OLFM1: variants seen among roughly 807,000 people sequenced by gnomAD.
OLFM1 encodes noelin.
A neutral mutation model predicts 49.7 loss-of-function variants in OLFM1; 9 were observed. The observed-to-expected ratio is 0.18, with a 90% CI of 0.11 to 0.32. The LOEUF is 0.32. Ranked by LOEUF, OLFM1 falls within the 10% of genes least tolerant of loss-of-function variation. OLFM1 has a pLI of 1.00. For synonymous variants in OLFM1, 240 were observed against 271.8 expected, an observed-to-expected ratio of 0.88 and a Z score of 1.15; for missense variants, 369 against 661.8, an observed-to-expected ratio of 0.56 and a Z score of 4.85.
chr9:135,097,451 G>T (rs946605614), intron 3 of OLFM1, among the ~76,000 whole-genome samples: 2 of 152,174 alleles, frequency 1.3e-5, no homozygotes, highest in Non-Finnish European at 2.9e-5. Context: ...TCTAACGAGG[G>T]GGGTGTCTTC....
At chr9:135,108,907 GCCGAGT>G (rs1197967856) in intron 5 of OLFM1, among the ~76,000 whole-genome samples, 1 of 152,108 alleles carries the variant, frequency 6.6e-6, no homozygotes, top group Non-Finnish European at 1.5e-5. Context: ...GACACTCCAA[GCCGAGT>G]CCCTTATACC....
chr9:135,076,157 T>G, intron 1 of OLFM1: 1 of 1,550,032 alleles, frequency 6.5e-7, no homozygotes, highest in Non-Finnish European at 8.7e-7. Flanking sequence ...GAGAGCCGGA[T>G]AGCCAAGACC....
At chr9:135,102,087 T>C (rs1830878116) in intron 4 of OLFM1, among the ~76,000 whole-genome samples, 1 of 152,210 alleles carries the variant, frequency 6.6e-6, no homozygotes, top group African/African-American at 2.4e-5. Context: ...CAGAGTCCCC[T>C]GTCAGCCGCT....
chr9:135,086,148 AG>A (rs545907384), upstream of OLFM1, among the ~76,000 whole-genome samples: 664 of 152,064 alleles, frequency 4.4e-3, 6 homozygotes, highest in African/African-American at 0.015. Flanking sequence ...TGGCCAGAGG[AG>A]GGGGGCGAAG....
At position 135,088,267 on chromosome 9, in the gene OLFM1, C is replaced by A; in HGVS notation, c.150+128C>A. On this transcript the variant is annotated intron_variant, in intron 1 of 5. Transcript: ENST00000371793. This position sits in a 1 kb window ranked among gnomAD's most constrained non-coding sequence, Gnocchi z 4.8. ...AGTCGCCCAGGGAGGCGGCGGGGAG[C>A]AGGGCGGGCAAGGGCAGGCGTCGCG... 1.1e-6 allele frequency: 1 copy of A among 910,842 alleles called. No homozygotes were observed. The highest frequency in any genetic ancestry group is 1.4e-6 in the Non-Finnish European group (1 of 707,536). 56.4% of individuals were successfully genotyped at this position (910,842 alleles called of 1,614,324 possible).
chr9:135,114,953 T>C, intron 5 of OLFM1, among the ~76,000 whole-genome samples: 1 of 152,094 alleles, frequency 6.6e-6, no homozygotes, highest in South Asian at 2.1e-4. Context: ...GGAGCTGATG[T>C]CATCCAAGCC....
chr9:135,119,704 G>T lies in OLFM1; in HGVS notation c.984G>T (p.Glu328Asp). ...TCATCAGGTTTGACCTGAAGACAGA[G>T]ACCATCCTCAAGACCCGCAGCCTGG... ...HIIIRFDLKT[E>D]TILKTRSLDY... Residue 328 changes from glutamate (E) to aspartate (D), a missense_variant, in exon 6 of 6, where the codon GAG becomes GAT. Physicochemically the swap from Glu to Asp is conservative, Grantham distance 45. Transcript: ENST00000371793. 1 of 1,614,140 alleles carries T rather than the reference G, an allele frequency of 6.2e-7. No individual in the cohort carries two copies. The highest frequency in any genetic ancestry group is 8.5e-7 in the Non-Finnish European group (1 of 1,180,044).
chr9:135,096,428 G>C (rs1427648176), intron 3 of OLFM1, among the ~76,000 whole-genome samples: 2 of 151,872 alleles, frequency 1.3e-5, no homozygotes, highest in Non-Finnish European at 2.9e-5. Context: ...ATTTGGGGCA[G>C]GGAGAAGCAT....
upstream of OLFM1, chr9:135,087,608 C>T: frequency 2.6e-6 from 2 of 758,048 alleles, no homozygotes; most frequent in Non-Finnish European, 3.7e-6. Context: ...TTGCGTCGGT[C>T]CCGCCCGGCC....
intron 2 of OLFM1, among the ~76,000 whole-genome samples, chr9:135,092,069 G>A (rs989966719): frequency 2.6e-5 from 4 of 152,244 alleles, no homozygotes; most frequent in Non-Finnish European, 2.9e-5. Flanking sequence ...CCGTGCTGGG[G>A]GGACAGATGG....
chr9:135,098,547 C>A lies in OLFM1; in HGVS notation c.676+42C>A, dbSNP rs1321872545. On this transcript the variant is annotated intron_variant, in intron 4 of 5. Coordinates refer to ENST00000371793, the MANE Select transcript of OLFM1 (RefSeq NM_001282611.2). This position sits in a 1 kb window ranked among gnomAD's most constrained non-coding sequence, Gnocchi z 5.6. ...GCGGGACGTGGCGCTGCACTGCCCACCTCCGGCACACGCACAGGCTTAGGG... is the reference window on the plus strand; with the variant it reads ...GCGGGACGTGGCGCTGCACTGCCCAACTCCGGCACACGCACAGGCTTAGGG... 2 of 1,544,122 alleles carry A rather than the reference C, an allele frequency of 1.3e-6. No homozygotes were observed. Among genetic ancestry groups the A allele is most frequent in the Admixed American group, 1.7e-5 (1 of 59,674 alleles).
intron 1 of OLFM1, chr9:135,076,435 G>C: frequency 6.9e-7 from 1 of 1,452,012 alleles, no homozygotes; most frequent in Non-Finnish European, 9.1e-7. Flanking sequence ...GGGATCGTGG[G>C]CATTTCAAAC....
At chr9:135,107,170 G>A (rs1830957498) in intron 5 of OLFM1, among the ~76,000 whole-genome samples, 1 of 126,084 alleles carries the variant, frequency 7.9e-6, no homozygotes, top group African/African-American at 3.1e-5. Context: ...GCTGGGCTGG[G>A]CTGGTGCCCC....
intron 4 of OLFM1, among the ~76,000 whole-genome samples, chr9:135,100,479 G>A (rs1159064814): frequency 3.3e-5 from 5 of 152,220 alleles, no homozygotes; most frequent in African/African-American, 1.2e-4. Flanking sequence ...CCTTTGGAGT[G>A]CAGCTGCCTG....
chr9:135,091,504 C>T (rs1291266907), intron 2 of OLFM1, among the ~76,000 whole-genome samples: 2 of 142,280 alleles, frequency 1.4e-5, no homozygotes, highest in African/African-American at 5.2e-5. Context: ...CACACATTCA[C>T]ACAGTCTCAC....
exon 1 of OLFM1, chr9:135,075,635 C>A: frequency 2.7e-6 from 3 of 1,103,176 alleles, no homozygotes; most frequent in Non-Finnish European, 3.6e-6. Context: ...CCGGAGCCAG[C>A]GGAGCCGGGG....
At chr9:135,087,543 C>T (rs1830614294), upstream of OLFM1, 1 of 1,250,752 alleles carries the variant, frequency 8.0e-7, no homozygotes. Flanking sequence ...TGCCAGCAGC[C>T]AGGGGGCGGC....
chr9:135,102,764 G>A (rs770902296), intron 4 of OLFM1, among the ~76,000 whole-genome samples: 10 of 152,216 alleles, frequency 6.6e-5, no homozygotes, highest in Non-Finnish European at 1.3e-4. Context: ...GGTAAAAGCT[G>A]TGACCAAGGG....
At chr9:135,081,862 A>G (rs2119087854) in intron 1 of OLFM1, among the ~76,000 whole-genome samples, 1 of 152,318 alleles carries the variant, frequency 6.6e-6, no homozygotes, top group Admixed American at 6.5e-5. Context: ...CGTGCACCCG[A>G]CACGCCTGCG....
Sources: gnomAD v4.1 joint callset for allele counts (sites outside exome capture counted in the v4.1 genomes callset) on GRCh38, gnomAD v4.1.1 for gene constraint, Gnocchi (gnomAD v3.1) non-coding constraint, MANE v1.5 for transcripts, NCBI Gene and HGNC (gene_info 2026-07-23, HGNC 2026-07-21) for gene names.